The following CADPS variants were observed in gnomAD, a reference collection of about 807,000 sequenced individuals.
CADPS encodes the protein calcium-dependent secretion activator 1.
CADPS carries 57 observed loss-of-function variants against 167.3 expected under a neutral mutation model. That is an observed-to-expected ratio of 0.34 (90% CI 0.28 to 0.42). The LOEUF (loss-of-function observed/expected upper bound fraction) is 0.42. Ranked by LOEUF, CADPS falls within the 20% of genes least tolerant of loss-of-function variation. The pLI, the probability that CADPS is intolerant of heterozygous loss-of-function variation, is 1.00. For synonymous variants in CADPS, 676 were observed against 635.3 expected (o/e 1.06, Z -0.96); for missense variants, 1,414 against 1,738.1 (o/e 0.81, Z 3.32).
intron 5 of CADPS, among the ~76,000 whole-genome samples, chr3:62,649,541 G>GTTTTTTTTTTTTTTTT (rs1212818484): frequency 2.1e-4 from 16 of 75,008 alleles, no homozygotes; most frequent in African/African-American, 7.2e-4. Flanking sequence ...ACAATATGTG[G>GTTTTTTTTTTTTTTTT]TCTTTTTTTT....
chr3:62,715,353 C>CCTATCTATCTAT lies in CADPS; in HGVS notation c.888+38076_888+38087dup, dbSNP rs10654479. 1.8e-3 allele frequency among the ~76,000 whole-genome samples: 255 copies of CCTATCTATCTAT among 140,422 alleles called. 1 individual carries two copies. Among genetic ancestry groups the CCTATCTATCTAT allele is most frequent in the African/African-American group, 4.9e-3 (193 of 39,060 alleles). 92.1% of individuals were successfully genotyped at this position (140,422 alleles called of 152,430 possible). On this transcript the variant is annotated intron_variant, in intron 3 of 29. Coordinates refer to ENST00000383710, the MANE Select transcript of CADPS (RefSeq NM_003716.4). Reference sequence around the variant, plus strand: ...ATGAGGTTTTGCCATGTTGGCCAGCCCTATCTATCTATCTATCTACCTATC... The same window carrying CCTATCTATCTAT: ...ATGAGGTTTTGCCATGTTGGCCAGCCCTATCTATCTATCTATCTATCTATCTATCTACCTATC...
intron 24 of CADPS, among the ~76,000 whole-genome samples, chr3:62,471,813 A>G (rs2060657306): frequency 6.6e-6 from 1 of 152,238 alleles, no homozygotes; most frequent in Non-Finnish European, 1.5e-5. Flanking sequence ...GTTATGTTTT[A>G]AAGGATCCCA....
intron 1 of CADPS, among the ~76,000 whole-genome samples, chr3:62,832,452 A>T (rs957440447): frequency 1.3e-5 from 2 of 152,330 alleles, no homozygotes; most frequent in Admixed American, 6.5e-5. Context: ...ATCTTAGGGA[A>T]CATTTGTGAG....
intron 13 of CADPS, 62 bp downstream of exon 13, chr3:62,532,809 C>G: frequency 6.7e-7 from 1 of 1,493,712 alleles, no homozygotes; most frequent in East Asian, 2.3e-5. Flanking sequence ...CAAGACTAGC[C>G]ATAAACCATT....
intron 25 of CADPS, 142 bp downstream of exon 25, chr3:62,466,197 T>A (rs2059915864): frequency 1.6e-6 from 1 of 615,388 alleles, no homozygotes; most frequent in South Asian, 2.1e-5. Context: ...CATTTAGAGC[T>A]GAGGCTGGGT....
intron 3 of CADPS, among the ~76,000 whole-genome samples, chr3:62,679,109 C>T (rs2076746544): frequency 6.6e-6 from 1 of 151,944 alleles, no homozygotes; most frequent in East Asian, 1.9e-4. Context: ...AAGTGAGCAT[C>T]TTGTTTTCAT....
intron 13 of CADPS, among the ~76,000 whole-genome samples, chr3:62,530,086 G>A (rs1291624922): frequency 6.6e-6 from 1 of 152,146 alleles, no homozygotes; most frequent in Non-Finnish European, 1.5e-5. Context: ...CCTTAAAGGT[G>A]ACCTCAGTAT....
chr3:62,614,761 A>T (rs1168262728), intron 6 of CADPS, among the ~76,000 whole-genome samples: 2 of 152,196 alleles, frequency 1.3e-5, no homozygotes, highest in African/African-American at 4.8e-5. Flanking sequence ...AATCAGACAC[A>T]CCTGGGTTTC....
At chr3:62,648,165 A>G (rs931404672) in intron 5 of CADPS, among the ~76,000 whole-genome samples, 1 of 152,152 alleles carries the variant, frequency 6.6e-6, no homozygotes, top group South Asian at 2.1e-4. Context: ...CCACCAAAAC[A>G]CATTCACAAA....
chr3:62,482,101 G>A (rs758900470), intron 21 of CADPS, among the ~76,000 whole-genome samples: 1 of 152,126 alleles, frequency 6.6e-6, no homozygotes, highest in African/African-American at 2.4e-5. Context: ...ACTTAAAAGT[G>A]CACCCATACA....
intron 6 of CADPS, among the ~76,000 whole-genome samples, chr3:62,596,253 T>C (rs887499534): frequency 3.6e-4 from 55 of 150,796 alleles, no homozygotes; most frequent in African/African-American, 1.3e-3. Context: ...TGGAGTGCAG[T>C]GGCATGATCT....
At chr3:62,598,213 G>A (rs891405761) in intron 6 of CADPS, among the ~76,000 whole-genome samples, 1 of 152,142 alleles carries the variant, frequency 6.6e-6, no homozygotes, top group Non-Finnish European at 1.5e-5. Context: ...AAGATGTGCA[G>A]CTATACAGGT....
At position 62,549,916 on chromosome 3, in the gene CADPS, A is replaced by G; in HGVS notation, c.1953T>C (p.Pro651=). The G allele has an allele frequency of 1.9e-6, 3 of 1,613,726 alleles. No homozygotes were observed. The highest frequency in any genetic ancestry group is 2.5e-6 in the Non-Finnish European group (3 of 1,179,636). ...KGGNVPQLDA[P]ISQFYADRAQ... ...ATATTTACTTACAAAATTGAGAGAT[A>G]GGGGCATCCAGCTGAGGTACATTTC... Residue 651 remains proline (P), a synonymous_variant, in exon 11 of 30, where the codon CCT becomes CCC. Transcript: ENST00000383710.
chr3:62,599,723 A>AT (rs2059506312), intron 6 of CADPS, among the ~76,000 whole-genome samples: 1 of 41,364 alleles, frequency 2.4e-5, no homozygotes, highest in Non-Finnish European at 3.8e-5. Flanking sequence ...TATATAATAT[A>AT]TATAGTATAT....
chr3:62,619,892 ATAT>A (rs895852127), intron 6 of CADPS, among the ~76,000 whole-genome samples: 4 of 152,018 alleles, frequency 2.6e-5, no homozygotes, highest in Non-Finnish European at 5.9e-5. Context: ...GACCATCAAT[ATAT>A]TATTATTTGT....
At chr3:62,488,487 T>A (rs2063173470) in intron 21 of CADPS, among the ~76,000 whole-genome samples, 1 of 150,952 alleles carries the variant, frequency 6.6e-6, no homozygotes, top group East Asian at 1.9e-4. Context: ...TTTATTTATT[T>A]ATTTATTTAT....
chr3:62,581,515 A>G (rs572489608), intron 8 of CADPS, among the ~76,000 whole-genome samples: 12 of 151,626 alleles, frequency 7.9e-5, no homozygotes, highest in Non-Finnish European at 1.5e-4. Flanking sequence ...CACCTCTACA[A>G]ATTTTTTTAA....
intron 3 of CADPS, among the ~76,000 whole-genome samples, chr3:62,748,924 G>C (rs2082113777): frequency 6.6e-6 from 1 of 152,080 alleles, no homozygotes; most frequent in African/African-American, 2.4e-5. Flanking sequence ...AAAACCCTTG[G>C]ACTCACATGA....
chr3:62,865,992 C>G (rs1421100825), intron 1 of CADPS, among the ~76,000 whole-genome samples: 1 of 151,984 alleles, frequency 6.6e-6, no homozygotes, highest in Non-Finnish European at 1.5e-5. Context: ...TTTCACTAAC[C>G]CAAATGAAAT....
Sources: allele counts gnomAD v4.1 joint callset (sites outside exome capture counted in the v4.1 genomes callset), GRCh38; gene constraint gnomAD v4.1.1; transcripts MANE v1.5; gene names NCBI Gene and HGNC (gene_info 2026-07-23, HGNC 2026-07-21).